Variants in SNTG2 observed in about 807,000 individuals in gnomAD.
SNTG2 encodes the protein syntrophin gamma 2.
A neutral mutation model predicts 70.9 loss-of-function variants in SNTG2; 74 were observed. That is an observed-to-expected ratio of 1.04 (90% confidence interval 0.86 to 1.27). The LOEUF is 1.27. SNTG2 is among the 50% of genes most tolerant of loss of function. The probability of loss-of-function intolerance (pLI) is 0.00; values close to 1 mark genes in which losing one functional copy is unlikely to be tolerated. For missense variants in SNTG2, 717 were observed against 690.7 expected (o/e 1.04, Z -0.43); for synonymous variants, 278 against 273.8 (o/e 1.02, Z -0.15).
intron 4 of SNTG2, chr2:1,103,367 G>T (rs916611502): frequency 7.2e-6 from 2 of 279,010 alleles, no homozygotes; most frequent in Admixed American, 5.3e-5. Context: ...AATAAATAAT[G>T]ATTATAAATT....
intron 1 of SNTG2, among the ~76,000 whole-genome samples, chr2:1,018,732 A>G (rs1193683758): frequency 6.6e-6 from 1 of 150,420 alleles, no homozygotes; most frequent in Non-Finnish European, 1.5e-5. Context: ...GTGGCTGGCA[A>G]AAAAAAATTA....
intron 8 of SNTG2, among the ~76,000 whole-genome samples, chr2:1,200,766 G>A (rs934039919): frequency 7.2e-5 from 11 of 151,826 alleles, no homozygotes; most frequent in African/African-American, 2.7e-4. Flanking sequence ...GCCAACAAAT[G>A]GCCAACGAAC....
intron 1 of SNTG2, among the ~76,000 whole-genome samples, chr2:983,620 C>T (rs1661206095): frequency 6.6e-6 from 1 of 152,256 alleles, no homozygotes; most frequent in South Asian, 2.1e-4. Flanking sequence ...TCCTGTTCTG[C>T]ACTCAGTGGC....
intron 1 of SNTG2, among the ~76,000 whole-genome samples, chr2:979,797 G>A (rs1661041293): frequency 6.6e-6 from 1 of 151,976 alleles, no homozygotes; most frequent in African/African-American, 2.4e-5. Flanking sequence ...AACTCTTAGT[G>A]GCATATTTGC....
intron 12 of SNTG2, among the ~76,000 whole-genome samples, chr2:1,252,456 TATAA>T (rs1677825599): frequency 6.6e-6 from 1 of 152,206 alleles, no homozygotes; most frequent in Admixed American, 6.5e-5. Context: ...ATTAGTACAT[TATAA>T]ATATCATACA....
At chr2:1,005,416 G>A (rs941552330) in intron 1 of SNTG2, among the ~76,000 whole-genome samples, 1 of 152,042 alleles carries the variant, frequency 6.6e-6, no homozygotes, top group African/African-American at 2.4e-5. Context: ...CACATGTGGG[G>A]GCGGTGGGGG....
At chr2:1,068,203 G>GT in intron 1 of SNTG2, 1 of 152,272 alleles carries the variant, frequency 6.6e-6, no homozygotes, top group Middle Eastern at 3.4e-3. Context: ...AGGAGGGAGA[G>GT]TCACTTTCCC....
At chr2:1,082,750 C>G (rs1453033441) in intron 1 of SNTG2, among the ~76,000 whole-genome samples, 1 of 152,248 alleles carries the variant, frequency 6.6e-6, no homozygotes, top group African/African-American at 2.4e-5. Flanking sequence ...TGTGCCTGAC[C>G]GGCGGCCTGC....
chr2:1,215,801 A>G (rs58123815), intron 9 of SNTG2, among the ~76,000 whole-genome samples: 27,104 of 148,994 alleles, frequency 0.18, 4,801 homozygotes, highest in African/African-American at 0.47. Context: ...GAGAACATGC[A>G]GTGTTTGGTT....
At chr2:988,096 T>C (rs762147703) in intron 1 of SNTG2, among the ~76,000 whole-genome samples, 1 of 152,240 alleles carries the variant, frequency 6.6e-6, no homozygotes, top group Non-Finnish European at 1.5e-5. Flanking sequence ...ATACTGACTT[T>C]CCGTTCCTTT....
intron 6 of SNTG2, among the ~76,000 whole-genome samples, chr2:1,147,509 T>G (rs1198068857): frequency 6.6e-6 from 1 of 152,248 alleles, no homozygotes; most frequent in Non-Finnish European, 1.5e-5. Flanking sequence ...TTCAAGTTCT[T>G]CAGCTTTGGA....
At chr2:1,204,774 A>T (rs1201503344) in intron 8 of SNTG2, among the ~76,000 whole-genome samples, 1 of 152,216 alleles carries the variant, frequency 6.6e-6, no homozygotes, top group Non-Finnish European at 1.5e-5. Context: ...GTGTGTGTGT[A>T]TAGGAAAAAA....
At chr2:956,077 T>A (rs2147940400) in intron 1 of SNTG2, among the ~76,000 whole-genome samples, 2 of 106,812 alleles carry the variant, frequency 1.9e-5, no homozygotes, top group East Asian at 5.9e-4. Flanking sequence ...GACCCTGACT[T>A]GTGCCAAATG....
chr2:1,332,984 A>G (rs1230181672), intron 16 of SNTG2, among the ~76,000 whole-genome samples: 1 of 152,170 alleles, frequency 6.6e-6, no homozygotes, highest in Admixed American at 6.5e-5. Context: ...CAAATCAATG[A>G]CATCTAAAAT....
At chr2:1,314,660 T>C (rs2148260753) in intron 15 of SNTG2, among the ~76,000 whole-genome samples, 1 of 152,338 alleles carries the variant, frequency 6.6e-6, no homozygotes, top group East Asian at 1.9e-4. Flanking sequence ...ACTTCTGGAA[T>C]TGACAACCAC....
At chr2:1,089,375 A>C (rs1664873468) in intron 2 of SNTG2, among the ~76,000 whole-genome samples, 1 of 152,220 alleles carries the variant, frequency 6.6e-6, no homozygotes. Flanking sequence ...GGTTTAGTTA[A>C]AAATAATAGT....
chr2:1,248,889 C>A (rs921642303), intron 12 of SNTG2, among the ~76,000 whole-genome samples: 3 of 152,082 alleles, frequency 2.0e-5, no homozygotes, highest in African/African-American at 7.2e-5. Context: ...TTCTTCAAAC[C>A]CTAATGGGCA....
intron 8 of SNTG2, among the ~76,000 whole-genome samples, chr2:1,175,962 C>T (rs1342867397): frequency 6.6e-6 from 1 of 152,202 alleles, no homozygotes; most frequent in Non-Finnish European, 1.5e-5. Flanking sequence ...TCTCCTGGTT[C>T]TCCCAGCTCT....
intron 1 of SNTG2, among the ~76,000 whole-genome samples, chr2:971,876 T>C (rs1244087733): frequency 6.6e-6 from 1 of 152,156 alleles, no homozygotes; most frequent in Non-Finnish European, 1.5e-5. Context: ...CTCATTAGTT[T>C]CAAATAATTT....
Sources: gnomAD v4.1 joint callset for allele counts (sites outside exome capture counted in the v4.1 genomes callset) on GRCh38, gnomAD v4.1.1 for gene constraint, MANE v1.5 for transcripts, NCBI Gene and HGNC (gene_info 2026-07-23, HGNC 2026-07-21) for gene names.